The following GLIS3 variants were observed in gnomAD, a reference collection of about 807,000 sequenced individuals.
GLIS3 encodes GLIS family zinc finger 3, also known as zinc finger protein GLIS3.
In GLIS3, 53 loss-of-function variants were observed where a neutral mutation model predicts 78.6. That is an observed-to-expected ratio of 0.67 (90% confidence interval 0.54 to 0.85). GLIS3 has a LOEUF of 0.85. Among genes scored for constraint, GLIS3 ranks in the 40% least tolerant of loss-of-function variants. The pLI is 0.00. For missense variants in GLIS3, 1,703 were observed against 1,231.1 expected, an observed-to-expected ratio of 1.38 and a Z score of -5.74; for synonymous variants, 684 against 509.9, an observed-to-expected ratio of 1.34 and a Z score of -4.60.
chr9:4,338,796 C>G (rs1052407681), intron 2 of GLIS3, among the ~76,000 whole-genome samples: 1 of 152,062 alleles, frequency 6.6e-6, no homozygotes, highest in African/African-American at 2.4e-5. Flanking sequence ...ACCTAAGGAG[C>G]CTGGAAAAAG....
rs765421766 is a variant in GLIS3, at chr9:4,286,385, G to A, written c.41C>T (p.Ser14Leu). The A allele has an allele frequency of 9.3e-6, 15 of 1,614,024 alleles. No homozygotes were observed. The highest frequency in any genetic ancestry group is 6.6e-5 in the South Asian group (6 of 91,076). Residue 14 changes from serine (S) to leucine (L), a missense_variant, in exon 2 of 11, where the codon TCG (serine) becomes TTG (leucine). Coordinates refer to ENST00000381971, the MANE Select transcript of GLIS3 (RefSeq NM_001042413.2). ...CATCCTAGGCCCCTGTGGGGTTCCC[G>A]ATGTCCGGTGGAGACTCATGCTGCA... Reference protein sequence around the residue: ...RSCSMSLHRTSGTPQGPRMVS... With the variant: ...RSCSMSLHRTLGTPQGPRMVS...
intron 4 of GLIS3, among the ~76,000 whole-genome samples, chr9:4,022,705 T>C (rs1822990081): frequency 6.6e-6 from 1 of 152,146 alleles, no homozygotes; most frequent in South Asian, 2.1e-4. Flanking sequence ...AAATACAGTA[T>C]GCATCCACCC....
intron 2 of GLIS3, among the ~76,000 whole-genome samples, chr9:4,174,596 C>G (rs1445724878): frequency 6.6e-6 from 1 of 152,164 alleles, no homozygotes; most frequent in Non-Finnish European, 1.5e-5. Context: ...TTTTACAAAT[C>G]TACCACAACT....
At chr9:3,947,043 C>G (rs1036573020) in intron 4 of GLIS3, among the ~76,000 whole-genome samples, 1 of 150,140 alleles carries the variant, frequency 6.7e-6, no homozygotes, top group African/African-American at 2.4e-5. Flanking sequence ...GGCCATCCTA[C>G]AGCCAACCTC....
At chr9:4,024,218 G>T (rs574327004) in intron 4 of GLIS3, among the ~76,000 whole-genome samples, 1 of 152,102 alleles carries the variant, frequency 6.6e-6, no homozygotes, top group Non-Finnish European at 1.5e-5. Context: ...TGTTCAGACC[G>T]AGACTGTACA....
chr9:4,283,108 C>T (rs1251230526), intron 2 of GLIS3, among the ~76,000 whole-genome samples: 1 of 151,828 alleles, frequency 6.6e-6, no homozygotes, highest in South Asian at 2.1e-4. Context: ...TACACACACA[C>T]ACACACACAC....
chr9:3,898,865 T>A, intron 6 of GLIS3, 30 bp from the exon 7 acceptor site: 1 of 1,613,244 alleles, frequency 6.2e-7, no homozygotes, highest in African/African-American at 1.3e-5. Flanking sequence ...GAGACATCGA[T>A]AAGGAGAGCC....
intron 4 of GLIS3, among the ~76,000 whole-genome samples, chr9:3,959,737 G>A (rs542716911): frequency 6.6e-6 from 1 of 152,122 alleles, no homozygotes; most frequent in East Asian, 1.9e-4. Flanking sequence ...CTTTATTATC[G>A]CTCCCTCCCA....
intron 2 of GLIS3, among the ~76,000 whole-genome samples, chr9:4,328,877 A>G (rs1817641286): frequency 1.3e-5 from 2 of 152,206 alleles, no homozygotes; most frequent in Non-Finnish European, 2.9e-5. Flanking sequence ...TTACTATTAG[A>G]AGAGGAGTGT....
intron 4 of GLIS3, among the ~76,000 whole-genome samples, chr9:4,094,870 A>C (rs1829814905): frequency 6.6e-6 from 1 of 152,026 alleles, no homozygotes; most frequent in Non-Finnish European, 1.5e-5. Context: ...TATATATCAA[A>C]TGAAGTATTT....
intron 2 of GLIS3, among the ~76,000 whole-genome samples, chr9:4,240,125 C>G (rs529215402): frequency 6.8e-6 from 1 of 146,840 alleles, no homozygotes; most frequent in Non-Finnish European, 1.5e-5. Context: ...TCTAAAGCAG[C>G]GGTCTCCAAC....
At chr9:3,998,770 A>G (rs1447165632) in intron 4 of GLIS3, among the ~76,000 whole-genome samples, 1 of 148,652 alleles carries the variant, frequency 6.7e-6, no homozygotes, top group African/African-American at 2.4e-5. Flanking sequence ...TAAAAATAAT[A>G]TTAAATATTA....
At chr9:4,066,149 A>T (rs1170435694) in intron 4 of GLIS3, among the ~76,000 whole-genome samples, 3 of 152,082 alleles carry the variant, frequency 2.0e-5, no homozygotes. Flanking sequence ...ATTTCAAGAC[A>T]TTTCTATTTA....
At chr9:4,185,518 C>A (rs879374345) in intron 2 of GLIS3, among the ~76,000 whole-genome samples, 4 of 152,040 alleles carry the variant, frequency 2.6e-5, no homozygotes, top group Admixed American at 2.0e-4. Flanking sequence ...ATTTTAACAT[C>A]CTGAAAATTA....
chr9:4,099,072 C>G (rs1022064529), intron 4 of GLIS3, among the ~76,000 whole-genome samples: 3 of 152,236 alleles, frequency 2.0e-5, no homozygotes, highest in African/African-American at 7.2e-5. Flanking sequence ...GCTTGGCTTA[C>G]TGCAGTCATG....
At chr9:4,486,824 G>A in the GLIS3 span, among the ~76,000 whole-genome samples, 2 of 152,086 alleles carry the variant, frequency 1.3e-5, no homozygotes, top group African/African-American at 4.8e-5. Context: ...CAAGTAGTGA[G>A]GACTACAGGC....
At chr9:4,020,382 C>G (rs1267996554) in intron 4 of GLIS3, among the ~76,000 whole-genome samples, 8 of 152,156 alleles carry the variant, frequency 5.3e-5, no homozygotes, top group Admixed American at 3.9e-4. Flanking sequence ...GCCACTCTTC[C>G]TGGCAGAGAT....
intron 3 of GLIS3, among the ~76,000 whole-genome samples, chr9:4,121,270 C>A (rs1832157423): frequency 6.6e-6 from 1 of 152,134 alleles, no homozygotes; most frequent in Non-Finnish European, 1.5e-5. Context: ...GTTCTCTTCC[C>A]AAAGAAGTTA....
chr9:4,362,078 C>T, the GLIS3 span, among the ~76,000 whole-genome samples: 8 of 152,342 alleles, frequency 5.3e-5, no homozygotes, highest in East Asian at 1.9e-4. Context: ...AATATTGGAT[C>T]ACTAAAGGGT....
Sources: gnomAD v4.1 joint callset for allele counts (sites outside exome capture counted in the v4.1 genomes callset) on GRCh38, gnomAD v4.1.1 for gene constraint, MANE v1.5 for transcripts, NCBI Gene and HGNC (gene_info 2026-07-23, HGNC 2026-07-21) for gene names.